Variants in PIAS2 observed in about 807,000 individuals in gnomAD.
PIAS2 encodes the protein E3 SUMO-protein ligase PIAS2.
In PIAS2, 19 loss-of-function variants were observed where a neutral mutation model predicts 69.7. That is an observed-to-expected ratio of 0.27 (90% CI 0.19 to 0.40). PIAS2 has a LOEUF of 0.40. Ranked by LOEUF, PIAS2 falls within the 10% of genes least tolerant of loss-of-function variation. The pLI is 1.00. For missense variants in PIAS2, 624 were observed against 757.0 expected (o/e 0.82, Z 2.06); for synonymous variants, 261 against 263.2 (o/e 0.99, Z 0.08).
At chr18:46,837,733 C>T (rs2044669103) in intron 8 of PIAS2, among the ~76,000 whole-genome samples, 1 of 152,184 alleles carries the variant, frequency 6.6e-6, no homozygotes, top group African/African-American at 2.4e-5. Flanking sequence ...CAGATTTGAT[C>T]AGACCAGGTT....
At chr18:46,826,932 C>G (rs185403862) in intron 11 of PIAS2, 33 of 151,970 alleles carry the variant, frequency 2.2e-4, no homozygotes, top group African/African-American at 8.0e-4. Flanking sequence ...ATTATAGACA[C>G]AAAAAAACGA....
At chr18:46,812,699 A>G in intron 13 of PIAS2, 87 bp from the exon 14 acceptor site, 1 of 734,514 alleles carries the variant, frequency 1.4e-6, no homozygotes, top group South Asian at 2.2e-5. Flanking sequence ...ATGCACAAGC[A>G]ATAGTCACAT....
chr18:46,859,384 C>T (rs768275084), intron 3 of PIAS2, among the ~76,000 whole-genome samples: 19 of 145,438 alleles, frequency 1.3e-4, no homozygotes, highest in Non-Finnish European at 2.4e-4. Context: ...GCCAAGATCA[C>T]GCCACTGCAC....
intron 1 of PIAS2, among the ~76,000 whole-genome samples, chr18:46,897,082 CAA>C (rs2055007267): frequency 6.6e-6 from 1 of 152,068 alleles, no homozygotes; most frequent in South Asian, 2.1e-4. Flanking sequence ...TTCAATAACT[CAA>C]AAGTTTGCTT....
chr18:46,821,103 A>C, intron 11 of PIAS2, 31 bp from the exon 12 acceptor site: 1 of 1,611,044 alleles, frequency 6.2e-7, no homozygotes, highest in Non-Finnish European at 8.5e-7. Context: ...AATTACAAAC[A>C]ATCTGGCTGT....
Position 46,811,300 on chromosome 18 carries a change from T to C in PIAS2, c.*1133A>G, listed in dbSNP as rs578241599. ...AAAAATCTAATGCTGTCCCTTTCCCTAAGTTTGAAAATCACTGCTGAGACT... is the reference window on the plus strand; with the variant it reads ...AAAAATCTAATGCTGTCCCTTTCCCCAAGTTTGAAAATCACTGCTGAGACT... On this transcript the variant is annotated 3_prime_UTR_variant, in exon 14 of 14. Transcript: ENST00000585916. The C allele has an allele frequency of 3.4e-4, 52 of 152,116 alleles. No homozygotes were observed. Among genetic ancestry groups the C allele is most frequent in the Admixed American group, 1.5e-3 (23 of 15,270 alleles). 9.4% of individuals were successfully genotyped at this position (152,116 alleles called of 1,614,324 possible).
intron 1 of PIAS2, among the ~76,000 whole-genome samples, chr18:46,902,528 C>T (rs2056033766): frequency 6.6e-6 from 1 of 151,874 alleles, no homozygotes; most frequent in Non-Finnish European, 1.5e-5. Context: ...CCATTGCACT[C>T]CAGCCTGGGC....
intron 3 of PIAS2, among the ~76,000 whole-genome samples, chr18:46,859,025 G>C (rs2048257202): frequency 6.6e-6 from 1 of 152,186 alleles, no homozygotes; most frequent in Admixed American, 6.5e-5. Context: ...ACGGACCTAA[G>C]TGGTTGGTTC....
At chr18:46,879,207 T>C (rs533260687) in intron 2 of PIAS2, among the ~76,000 whole-genome samples, 2 of 152,178 alleles carry the variant, frequency 1.3e-5, no homozygotes, top group East Asian at 3.9e-4. Context: ...CTTCTAAAAC[T>C]CAACAGCTAA....
intron 11 of PIAS2, among the ~76,000 whole-genome samples, chr18:46,824,664 A>G (rs532683729): frequency 1.8e-4 from 28 of 152,258 alleles, no homozygotes; most frequent in Admixed American, 5.9e-4. Flanking sequence ...AAAATTGTTT[A>G]TAAGAATAAT....
intron 12 of PIAS2, among the ~76,000 whole-genome samples, chr18:46,818,606 A>G (rs904505219): frequency 1.3e-5 from 2 of 152,174 alleles, no homozygotes; most frequent in African/African-American, 4.8e-5. Flanking sequence ...GACTAACTAC[A>G]TAAAAATTAT....
intron 2 of PIAS2, among the ~76,000 whole-genome samples, chr18:46,880,373 A>G (rs1338225607): frequency 6.6e-6 from 1 of 152,162 alleles, no homozygotes; most frequent in Non-Finnish European, 1.5e-5. Flanking sequence ...AGAGACAGAG[A>G]GACCCTGTCT....
chr18:46,834,183 TG>T (rs1396905693), intron 9 of PIAS2, among the ~76,000 whole-genome samples: 1 of 152,160 alleles, frequency 6.6e-6, no homozygotes, highest in Non-Finnish European at 1.5e-5. Flanking sequence ...ATCACAAATG[TG>T]CCTGATGAAA....
At chr18:46,850,159 T>C (rs1464133894) in intron 5 of PIAS2, among the ~76,000 whole-genome samples, 1 of 152,196 alleles carries the variant, frequency 6.6e-6, no homozygotes, top group Non-Finnish European at 1.5e-5. Flanking sequence ...AGTTCAGTAA[T>C]GTACTTACCC....
intron 1 of PIAS2, among the ~76,000 whole-genome samples, chr18:46,907,105 T>C (rs2056713823): frequency 6.6e-6 from 1 of 151,802 alleles, no homozygotes; most frequent in South Asian, 2.1e-4. Flanking sequence ...AAAAGGGCAA[T>C]GGAGAGGTTA....
intron 5 of PIAS2, among the ~76,000 whole-genome samples, chr18:46,855,035 G>A (rs2047531677): frequency 6.8e-6 from 1 of 147,742 alleles, no homozygotes; most frequent in East Asian, 2.0e-4. Flanking sequence ...AGGAGGCTGA[G>A]GTAGGAGGAT....
At chr18:46,858,222 TAA>T (rs11418545) in intron 3 of PIAS2, among the ~76,000 whole-genome samples, 8 of 141,190 alleles carry the variant, frequency 5.7e-5, no homozygotes, top group Non-Finnish European at 7.7e-5. Context: ...GAGATAAGAT[TAA>T]AAAAAAAAAA....
chr18:46,839,472 A>G (rs2044975295), intron 8 of PIAS2, among the ~76,000 whole-genome samples: 1 of 152,162 alleles, frequency 6.6e-6, no homozygotes, highest in South Asian at 2.1e-4. Flanking sequence ...ATAAGTACCT[A>G]TTTGTCAATT....
At chr18:46,906,646 T>C (rs898335631) in intron 1 of PIAS2, among the ~76,000 whole-genome samples, 10 of 151,690 alleles carry the variant, frequency 6.6e-5, no homozygotes, top group African/African-American at 2.2e-4. Context: ...GTAAAAAACC[T>C]AAAAGAAATG....
Sources: allele counts gnomAD v4.1 joint callset (sites outside exome capture counted in the v4.1 genomes callset), GRCh38; gene constraint gnomAD v4.1.1; transcripts MANE v1.5; gene names NCBI Gene and HGNC (gene_info 2026-07-23, HGNC 2026-07-21).